SPAG16: variants seen among roughly 807,000 people sequenced by gnomAD.
The protein encoded by SPAG16 is sperm associated antigen 16, also known as sperm-associated antigen 16 protein.
Under a neutral mutation model 80.4 loss-of-function variants are expected in SPAG16, and 86 were observed. The observed-to-expected ratio is 1.07, with a 90% confidence interval of 0.90 to 1.28. The LOEUF is 1.28. Ranked by LOEUF, SPAG16 falls within the 50% of genes most tolerant of loss-of-function variation. The pLI, the probability that SPAG16 is intolerant of heterozygous loss-of-function variation, is 0.00. For missense variants in SPAG16, 870 were observed against 765.3 expected, an observed-to-expected ratio of 1.14 and a Z score of -1.61; for synonymous variants, 294 against 265.9, an observed-to-expected ratio of 1.11 and a Z score of -1.03.
intron 10 of SPAG16, among the ~76,000 whole-genome samples, chr2:213,855,184 C>CA (rs1301101305): frequency 6.6e-6 from 1 of 152,098 alleles, no homozygotes; most frequent in Non-Finnish European, 1.5e-5. Context: ...TAGAAAATGA[C>CA]AAAAAAGACC....
At chr2:213,947,571 C>T (rs985933469) in intron 12 of SPAG16, among the ~76,000 whole-genome samples, 8 of 152,108 alleles carry the variant, frequency 5.3e-5, no homozygotes, top group African/African-American at 9.6e-5. Context: ...GTTGAAAGTG[C>T]CCTGTGTATT....
chr2:213,338,024 T>C (rs1274869552), intron 5 of SPAG16, among the ~76,000 whole-genome samples: 1 of 152,172 alleles, frequency 6.6e-6, no homozygotes, highest in Non-Finnish European at 1.5e-5. Context: ...AGTGGATCTC[T>C]GCAGAAACCC....
At chr2:213,987,383 C>A (rs943665183) in intron 12 of SPAG16, among the ~76,000 whole-genome samples, 3 of 152,014 alleles carry the variant, frequency 2.0e-5, no homozygotes, top group Non-Finnish European at 1.5e-5. Flanking sequence ...ATCTAGCAAT[C>A]GTGTAATTTA....
chr2:213,412,922 A>T (rs2069059382), intron 9 of SPAG16, among the ~76,000 whole-genome samples: 2 of 152,216 alleles, frequency 1.3e-5, no homozygotes, highest in South Asian at 4.1e-4. Context: ...ATTAATTTAA[A>T]ACATTATTAT....
intron 11 of SPAG16, among the ~76,000 whole-genome samples, chr2:213,911,627 T>C (rs1270231867): frequency 6.6e-6 from 1 of 152,198 alleles, no homozygotes; most frequent in Non-Finnish European, 1.5e-5. Context: ...ATTATTTGTA[T>C]ATTTTTCATA....
At chr2:213,870,093 T>C (rs1201271239) in intron 11 of SPAG16, among the ~76,000 whole-genome samples, 1 of 152,180 alleles carries the variant, frequency 6.6e-6, no homozygotes, top group African/African-American at 2.4e-5. Context: ...TTTGTATTCA[T>C]AGTTAAATTG....
At chr2:213,792,635 G>A (rs1459069046) in intron 10 of SPAG16, among the ~76,000 whole-genome samples, 1 of 139,714 alleles carries the variant, frequency 7.2e-6, no homozygotes, top group Non-Finnish European at 1.5e-5. Context: ...CCAGGCTGGA[G>A]TGCAGTGGCT....
At chr2:214,371,144 G>T (rs1036148945) in intron 15 of SPAG16, among the ~76,000 whole-genome samples, 1 of 152,134 alleles carries the variant, frequency 6.6e-6, no homozygotes, top group Non-Finnish European at 1.5e-5. Flanking sequence ...GTAGACTAAC[G>T]TTGAGGACAT....
At chr2:213,508,989 C>A (rs2075105471) in intron 10 of SPAG16, among the ~76,000 whole-genome samples, 1 of 149,576 alleles carries the variant, frequency 6.7e-6, no homozygotes, top group Admixed American at 6.6e-5. Context: ...ACAATATTTT[C>A]TTTTCTTTTC....
At chr2:214,003,434 A>G (rs1426916127) in intron 12 of SPAG16, among the ~76,000 whole-genome samples, 1 of 152,234 alleles carries the variant, frequency 6.6e-6, no homozygotes, top group Non-Finnish European at 1.5e-5. Context: ...AGGTAGTATA[A>G]TGGTTAAAAG....
chr2:213,990,654 C>CT (rs1169379329), intron 12 of SPAG16, among the ~76,000 whole-genome samples: 1 of 152,086 alleles, frequency 6.6e-6, no homozygotes, highest in Non-Finnish European at 1.5e-5. Flanking sequence ...GGTCTTCATC[C>CT]TTGTTATCTT....
chr2:213,322,334 CAAAAAA>C (rs755345457), intron 5 of SPAG16, among the ~76,000 whole-genome samples: 3 of 23,684 alleles, frequency 1.3e-4, no homozygotes, highest in South Asian at 1.8e-3. Flanking sequence ...GTAGACAATG[CAAAAAA>C]AAAAAAAAAA....
At chr2:213,641,611 A>C (rs1390348338) in intron 10 of SPAG16, among the ~76,000 whole-genome samples, 1 of 152,210 alleles carries the variant, frequency 6.6e-6, no homozygotes, top group East Asian at 1.9e-4. Context: ...AAGATTGGGC[A>C]TGCCTACAAG....
chr2:213,409,551 C>T (rs546861722), intron 9 of SPAG16, among the ~76,000 whole-genome samples: 1 of 152,144 alleles, frequency 6.6e-6, no homozygotes, highest in East Asian at 1.9e-4. Context: ...ACGCACTAAC[C>T]TGCTCTTTAA....
At chr2:213,753,290 G>A (rs1210831095) in intron 10 of SPAG16, among the ~76,000 whole-genome samples, 1 of 152,180 alleles carries the variant, frequency 6.6e-6, no homozygotes, top group Non-Finnish European at 1.5e-5. Context: ...GGGATTACAC[G>A]TGTGAGCTGC....
chr2:214,080,310 A>T (rs2051310346), intron 13 of SPAG16, among the ~76,000 whole-genome samples: 1 of 152,022 alleles, frequency 6.6e-6, no homozygotes, highest in African/African-American at 2.4e-5. Context: ...AATTCTAACC[A>T]CATTAAGGCC....
intron 9 of SPAG16, among the ~76,000 whole-genome samples, chr2:213,409,146 CA>C (rs2068824750): frequency 6.8e-6 from 1 of 146,572 alleles, no homozygotes; most frequent in African/African-American, 2.5e-5. Flanking sequence ...ATGTTTGTGA[CA>C]AGTCAGAAAG....
intron 10 of SPAG16, among the ~76,000 whole-genome samples, chr2:213,750,832 C>G (rs916182047): frequency 2.6e-5 from 4 of 152,168 alleles, no homozygotes; most frequent in African/African-American, 9.7e-5. Context: ...TGTAGAGTGT[C>G]TTACCAGAAT....
At chr2:214,065,158 A>G (rs1255109151) in intron 13 of SPAG16, among the ~76,000 whole-genome samples, 1 of 152,088 alleles carries the variant, frequency 6.6e-6, no homozygotes, top group Non-Finnish European at 1.5e-5. Context: ...CAGAGCTAAC[A>G]AGGTTAGAAT....
Sources: allele counts gnomAD v4.1 joint callset (sites outside exome capture counted in the v4.1 genomes callset), GRCh38; gene constraint gnomAD v4.1.1; transcripts MANE v1.5; gene names NCBI Gene and HGNC (gene_info 2026-07-23, HGNC 2026-07-21).